Variants in CPQ observed in about 807,000 individuals in gnomAD.
CPQ encodes carboxypeptidase Q.
CPQ carries 37 observed loss-of-function variants against 45.7 expected under a neutral mutation model. The ratio of observed to expected loss-of-function variants is 0.81; its 90% CI spans 0.62 to 1.07. CPQ has a LOEUF of 1.07. Ranked by LOEUF, CPQ falls within the 50% of genes least tolerant of loss-of-function variation. CPQ has a pLI of 0.00. For synonymous variants in CPQ, 186 were observed against 205.8 expected, an observed-to-expected ratio of 0.90 and a Z score of 0.82; for missense variants, 537 against 572.9, an observed-to-expected ratio of 0.94 and a Z score of 0.64.
intron 3 of CPQ, among the ~76,000 whole-genome samples, chr8:96,855,674 A>G (rs999621144): frequency 1.3e-5 from 2 of 152,250 alleles, no homozygotes; most frequent in African/African-American, 4.8e-5. Flanking sequence ...ACTGTGAATA[A>G]CAAGCAAGGT....
intron 1 of CPQ, among the ~76,000 whole-genome samples, chr8:96,696,294 G>A (rs1167618330): frequency 6.6e-6 from 1 of 151,854 alleles, no homozygotes; most frequent in African/African-American, 2.4e-5. Flanking sequence ...ACTGTTGTGG[G>A]GTGGGGGGAG....
At chr8:96,667,042 G>A (rs1808933899) in intron 1 of CPQ, among the ~76,000 whole-genome samples, 1 of 151,514 alleles carries the variant, frequency 6.6e-6, no homozygotes, top group Admixed American at 6.6e-5. Context: ...TTTTTAATAC[G>A]GCTTTCTGAA....
intron 7 of CPQ, among the ~76,000 whole-genome samples, chr8:97,091,400 G>A (rs760988235): frequency 2.0e-5 from 3 of 152,114 alleles, no homozygotes; most frequent in South Asian, 2.1e-4. Context: ...TGTTGCTGGC[G>A]TTCCATGAGA....
intron 7 of CPQ, among the ~76,000 whole-genome samples, chr8:97,073,049 C>T (rs1029389292): frequency 6.6e-6 from 1 of 152,150 alleles, no homozygotes; most frequent in Non-Finnish European, 1.5e-5. Context: ...TTAGTAACGA[C>T]ATCACTCATT....
rs569271314 is a variant in CPQ, at chr8:96,957,907, C to G, written c.850-8028C>G. The stretch of plus-strand genomic sequence containing the variant: ...GGAGTGTAGTGGTGTGTTCATGGCT[C>G]ACTGTAGCCACAGTCTTCTGGACTC... On this transcript the variant is annotated intron_variant, in intron 4 of 7. Coordinates refer to ENST00000220763, the MANE Select transcript of CPQ (RefSeq NM_016134.4). Among the ~76,000 whole-genome samples, 73 of 150,896 alleles carry G rather than the reference C, an allele frequency of 4.8e-4. No individual in the cohort carries two copies. The South Asian group carries it at 0.015, about 30-fold the overall frequency.
intron 6 of CPQ, among the ~76,000 whole-genome samples, chr8:97,047,596 AT>A (rs1810281114): frequency 6.6e-6 from 1 of 152,178 alleles, no homozygotes; most frequent in African/African-American, 2.4e-5. Flanking sequence ...AAATATTTGT[AT>A]TTGTTCACGA....
intron 5 of CPQ, among the ~76,000 whole-genome samples, chr8:96,988,731 C>T (rs1313873899): frequency 1.3e-5 from 2 of 152,104 alleles, no homozygotes; most frequent in African/African-American, 4.8e-5. Context: ...CAGAGACTTG[C>T]TAAGGGGGAA....
At chr8:97,041,275 GCT>G (rs1423020554) in intron 6 of CPQ, among the ~76,000 whole-genome samples, 1 of 151,898 alleles carries the variant, frequency 6.6e-6, no homozygotes, top group African/African-American at 2.4e-5. Context: ...TCATGATTTG[GCT>G]CTCTGTTTGT....
intron 3 of CPQ, among the ~76,000 whole-genome samples, chr8:96,838,683 T>C (rs1282484400): frequency 6.6e-6 from 1 of 152,062 alleles, no homozygotes; most frequent in Non-Finnish European, 1.5e-5. Context: ...TCTGGATTCC[T>C]ATCATCTAGT....
intron 7 of CPQ, among the ~76,000 whole-genome samples, chr8:97,115,229 T>C (rs1811564636): frequency 1.3e-5 from 2 of 152,192 alleles, no homozygotes; most frequent in Admixed American, 6.5e-5. Context: ...GTCCAGAGTA[T>C]ACAGTGCATG....
intron 2 of CPQ, among the ~76,000 whole-genome samples, chr8:96,818,083 ACATGAACACTAAGAGGC>A (rs1811252925): frequency 6.6e-6 from 1 of 151,974 alleles, no homozygotes; most frequent in African/African-American, 2.4e-5. Flanking sequence ...GACTCCTTTC[ACATGAACACTAAGAGGC>A]CATCGTAGGT....
At chr8:96,781,834 C>T (rs561794632) in intron 1 of CPQ, among the ~76,000 whole-genome samples, 41 of 152,286 alleles carry the variant, frequency 2.7e-4, no homozygotes, top group Middle Eastern at 6.8e-3. Context: ...GATAGACATT[C>T]CCATTCCAAA....
At chr8:97,076,487 T>C (rs569677342) in intron 7 of CPQ, among the ~76,000 whole-genome samples, 1 of 152,334 alleles carries the variant, frequency 6.6e-6, no homozygotes, top group South Asian at 2.1e-4. Context: ...AGGATTCCAA[T>C]AAGGTTCAAA....
intron 2 of CPQ, among the ~76,000 whole-genome samples, chr8:96,789,185 T>G (rs896904671): frequency 2.0e-5 from 3 of 151,992 alleles, no homozygotes; most frequent in Non-Finnish European, 4.4e-5. Context: ...TTCATGTGTA[T>G]GGGTTGTACT....
chr8:96,689,894 A>T (rs928546410), intron 1 of CPQ, among the ~76,000 whole-genome samples: 11 of 152,086 alleles, frequency 7.2e-5, no homozygotes, highest in Non-Finnish European at 1.3e-4. Flanking sequence ...GGTTATTTAC[A>T]TTTTATTCTG....
At chr8:97,051,201 A>G (rs949747079) in intron 6 of CPQ, among the ~76,000 whole-genome samples, 10 of 152,210 alleles carry the variant, frequency 6.6e-5, no homozygotes, top group Admixed American at 5.2e-4. Context: ...TTGCTGTGCC[A>G]CAGGCCACTT....
At chr8:97,072,918 C>T (rs1167796932) in intron 7 of CPQ, among the ~76,000 whole-genome samples, 1 of 152,064 alleles carries the variant, frequency 6.6e-6, no homozygotes, top group Non-Finnish European at 1.5e-5. Context: ...GCCTGGCCCT[C>T]GACAAAATGT....
At chr8:97,042,342 C>T (rs1231625986) in intron 6 of CPQ, among the ~76,000 whole-genome samples, 3 of 151,914 alleles carry the variant, frequency 2.0e-5, no homozygotes, top group African/African-American at 7.3e-5. Context: ...TCCCCTTTAT[C>T]ATTTTTTATT....
chr8:97,137,913 T>C (rs1464925166), intron 7 of CPQ, among the ~76,000 whole-genome samples: 2 of 152,160 alleles, frequency 1.3e-5, no homozygotes, highest in Non-Finnish European at 2.9e-5. Context: ...CTTCTGGCTT[T>C]TCTACTGGGA....
Sources: allele counts gnomAD v4.1 joint callset (sites outside exome capture counted in the v4.1 genomes callset), GRCh38; gene constraint gnomAD v4.1.1; transcripts MANE v1.5; gene names NCBI Gene and HGNC (gene_info 2026-07-23, HGNC 2026-07-21).